Variants in PCDHGA2 observed in about 807,000 individuals in gnomAD.
The protein encoded by PCDHGA2 is protocadherin gamma-A2.
A neutral mutation model predicts 59.2 loss-of-function variants in PCDHGA2; 40 were observed. The observed-to-expected ratio is 0.68, with a 90% CI of 0.52 to 0.88. The LOEUF (loss-of-function observed/expected upper bound fraction) is 0.88, where lower values mean the gene tolerates loss of function less well. Among genes scored for constraint, PCDHGA2 ranks in the 40% least tolerant of loss-of-function variants. The pLI is 0.00. For synonymous variants in PCDHGA2, 560 were observed against 526.0 expected, an observed-to-expected ratio of 1.06 and a Z score of -0.89; for missense variants, 1,226 against 1,204.0, an observed-to-expected ratio of 1.02 and a Z score of -0.27.
At position 141,487,267 on chromosome 5, in the gene PCDHGA2, G is replaced by A; in HGVS notation, c.2425-7540G>A. 3 of 1,614,134 alleles carry A rather than the reference G, an allele frequency of 1.9e-6. No individual in the cohort carries two copies. The highest frequency in any genetic ancestry group is 2.5e-6 in the Non-Finnish European group (3 of 1,180,024). ...CCCTCTACTTGGCTGTGTCCCTAGT[G>A]GCAATTTGCTTTGTCTCCTTTGGCT... is the stretch of plus-strand genomic sequence containing the variant. On this transcript the variant is annotated intron_variant, in intron 1 of 3. Transcript: ENST00000394576. The surrounding 1 kb of genome is among the most constrained non-coding windows in gnomAD (Gnocchi z 5.0).
At position 141,487,791 on chromosome 5, in the gene PCDHGA2, C is replaced by T; in HGVS notation, c.2425-7016C>T. ...CTTTGTAACTGTTTCGTGAATTAAC[C>T]AGAGTTGTCACAGTTTAGCATTGGG... On this transcript the variant is annotated intron_variant, in intron 1 of 3. Coordinates refer to ENST00000394576, the MANE Select transcript of PCDHGA2 (RefSeq NM_018915.4). This position sits in a 1 kb window ranked among gnomAD's most constrained non-coding sequence, Gnocchi z 5.0. 6.6e-7 allele frequency: 1 copy of T among 1,510,152 alleles called. No individual in the cohort carries two copies. The highest frequency in any genetic ancestry group is 1.4e-5 in the African/African-American group (1 of 72,206). The allele number at this position is 1,510,152 out of a possible 1,614,324, so 93.5% of individuals were successfully genotyped here. A position where few individuals can be genotyped will look rare whatever the true frequency, so the allele number is the denominator to read the frequency against.
intron 1 of PCDHGA2, chr5:141,361,354 G>A (rs778953840): frequency 6.8e-6 from 11 of 1,613,990 alleles, no homozygotes; most frequent in African/African-American, 2.7e-5. Flanking sequence ...ACTAGTGACA[G>A]ACGGCGCTCT....
At chr5:141,389,745 A>G in intron 1 of PCDHGA2, 1 of 1,612,748 alleles carries the variant, frequency 6.2e-7, no homozygotes, top group Non-Finnish European at 8.5e-7. Context: ...GGGGCTGCGC[A>G]CGGGCGAAGT....
At chr5:141,374,758 C>T in intron 1 of PCDHGA2, 1 of 1,613,200 alleles carries the variant, frequency 6.2e-7, no homozygotes, top group South Asian at 1.1e-5. Context: ...GCTCAAGCGT[C>T]GCCCAAATTC....
At position 141,415,363 on chromosome 5, in the gene PCDHGA2, C is replaced by T. The variant is rs62378454; in HGVS notation, c.2424+73968C>T. 7,186 of 1,614,240 alleles carry T rather than the reference C, an allele frequency of 4.5e-3. 30 individuals carry two copies. Among genetic ancestry groups the T allele is most frequent in the South Asian group, 5.6e-3 (509 of 91,092 alleles). Reference sequence around the variant, plus strand: ...GCGCTGGCACAAGTCACGCCTGCTGCAGGCTTCAGGAGGCGGCTTGACAGG... The same window carrying T: ...GCGCTGGCACAAGTCACGCCTGCTGTAGGCTTCAGGAGGCGGCTTGACAGG... On this transcript the variant is annotated intron_variant, in intron 1 of 3. Transcript: ENST00000394576.
intron 1 of PCDHGA2, chr5:141,411,948 G>A (rs2095525022): frequency 1.3e-5 from 2 of 152,152 alleles, no homozygotes. Flanking sequence ...GAAGATTTTT[G>A]AAGAAAAAAG....
At chr5:141,419,170 C>T (rs758796140) in intron 1 of PCDHGA2, 4 of 1,613,966 alleles carry the variant, frequency 2.5e-6, no homozygotes, top group Non-Finnish European at 3.4e-6. Context: ...CCAGCAAAAC[C>T]ATAACCCTGC....
rs115237553 is a variant in PCDHGA2, at chr5:141,476,478, T to A, written c.2425-18329T>A. 1.3e-4 allele frequency: 203 copies of A among 1,613,844 alleles called. 2 individuals are homozygous for A. The African/African-American group carries it at 2.5e-3, about 20-fold the overall frequency. Reference sequence around the variant, plus strand: ...GAGAACCCGCTGGAGCTGTTCAGCGTGGAAGTGGTGATCCAGGACATCAAC... The same window carrying A: ...GAGAACCCGCTGGAGCTGTTCAGCGAGGAAGTGGTGATCCAGGACATCAAC... On this transcript the variant is annotated intron_variant, in intron 1 of 3. Transcript: ENST00000394576. The surrounding 1 kb of genome is among the most constrained non-coding windows in gnomAD (Gnocchi z 7.6).
At chr5:141,364,875 T>C (rs909012191) in intron 1 of PCDHGA2, 1 of 1,613,818 alleles carries the variant, frequency 6.2e-7, no homozygotes, top group Non-Finnish European at 8.5e-7. Flanking sequence ...TCTCTGGATG[T>C]GGTAAGCGGA....
In PCDHGA2 at chr5:141,486,828, G is replaced by T. The variant is rs140257646; in HGVS notation, c.2425-7979G>T. ...CCCCTTAGCAGCACTGTAACAGTTC[G>T]TCTATTTGTGCTGGACCTCAATGAC... On this transcript the variant is annotated intron_variant, in intron 1 of 3. Coordinates refer to ENST00000394576, the MANE Select transcript of PCDHGA2 (RefSeq NM_018915.4). This position sits in a 1 kb window ranked among gnomAD's most constrained non-coding sequence, Gnocchi z 5.0. The T allele has an allele frequency of 8.7e-6, 14 of 1,614,218 alleles. No homozygotes were observed. The highest frequency in any genetic ancestry group is 1.2e-5 in the Non-Finnish European group (14 of 1,180,042).
Position 141,512,288 on chromosome 5 carries a change from TCAGCGGAGCCCCAGCAGGAAGGGTGGGC to T in PCDHGA2, c.*1120_*1147del, listed in dbSNP as rs1375137843. The T allele has an allele frequency of 6.5e-6, 1 of 152,680 alleles. No individual in the cohort carries two copies. Among genetic ancestry groups the T allele is most frequent in the Non-Finnish European group, 1.5e-5 (1 of 68,182 alleles). The allele number at this position is 152,680 out of a possible 1,614,324, so 9.5% of individuals were successfully genotyped here. ...TCCAGAGGTGCCACTGGTGGAAGGG[TCAGCGGAGCCCCAGCAGGAAGGGTGGGC>T]CAGCCAGGCCATTCTTAGTCCCTGG... On this transcript the variant is annotated 3_prime_UTR_variant, in exon 4 of 4. Coordinates refer to ENST00000394576, the MANE Select transcript of PCDHGA2 (RefSeq NM_018915.4).
chr5:141,382,921 G>A, intron 1 of PCDHGA2: 2 of 1,560,324 alleles, frequency 1.3e-6, no homozygotes, highest in South Asian at 1.2e-5. Flanking sequence ...GCCGAGGGGC[G>A]GGGACTACAG....
intron 1 of PCDHGA2, chr5:141,376,235 C>T: frequency 1.2e-6 from 2 of 1,614,198 alleles, no homozygotes; most frequent in Non-Finnish European, 1.7e-6. Flanking sequence ...CAGACTGCAG[C>T]GCTGGCACAA....
rs1029237740 is a variant in PCDHGA2, at chr5:141,500,358, A to G, written c.2484-5035A>G. ...AGAATAGCTGGGACTACAGGCGCCC[A>G]CTACCACGCCCGGCTAATTATTTTG... On this transcript the variant is annotated intron_variant, in intron 2 of 3. Coordinates refer to ENST00000394576, the MANE Select transcript of PCDHGA2 (RefSeq NM_018915.4). Among the ~76,000 whole-genome samples, 5 of 151,706 alleles carry G rather than the reference A, an allele frequency of 3.3e-5. No homozygotes were observed. In the South Asian group the frequency reaches 6.3e-4, roughly 19 times the overall value.
At chr5:141,419,094 G>C in intron 1 of PCDHGA2, 2 of 1,613,894 alleles carry the variant, frequency 1.2e-6, no homozygotes, top group Non-Finnish European at 1.7e-6. Context: ...GCCCTGGATC[G>C]GGAGCAGACC....
chr5:141,351,372 A>T, intron 1 of PCDHGA2: 1 of 1,612,764 alleles, frequency 6.2e-7, no homozygotes, highest in Non-Finnish European at 8.5e-7. Context: ...CGAGACAAGG[A>T]TTCTGGGCAA....
In PCDHGA2 at chr5:141,426,967, T is replaced by C. The variant is rs151241654; in HGVS notation, c.2425-67840T>C. 124 of 456,702 alleles carry C rather than the reference T, an allele frequency of 2.7e-4. 1 individual carries two copies. The highest frequency in any genetic ancestry group is 2.1e-3 in the African/African-American group (103 of 50,178). 28.3% of individuals were successfully genotyped at this position (456,702 alleles called of 1,614,324 possible). A position where few individuals can be genotyped will look rare whatever the true frequency, so the allele number is the denominator to read the frequency against. On this transcript the variant is annotated intron_variant, in intron 1 of 3. Coordinates refer to ENST00000394576, the MANE Select transcript of PCDHGA2 (RefSeq NM_018915.4). ...CCAACTGGCACTGCTGCAATTCAAA[T>C]TGAGGTCACTGATGCCAACGATAAT... is the stretch of plus-strand genomic sequence containing the variant.
Position 141,501,335 on chromosome 5 carries a change from C to A in PCDHGA2, c.2484-4058C>A, listed in dbSNP as rs977626682. 1.5e-4 allele frequency among the ~76,000 whole-genome samples: 20 copies of A among 135,718 alleles called. No individual in the cohort carries two copies. In the East Asian group the frequency reaches 2.2e-3, roughly 15 times the overall value. The allele number at this position is 135,718 out of a possible 152,430, so 89.0% of individuals were successfully genotyped here. The stretch of plus-strand genomic sequence containing the variant: ...CACACACACACACACACACACACAC[C>A]CCAAACTCAATAGGGCAAGAACCAT... On this transcript the variant is annotated intron_variant, in intron 2 of 3. Transcript: ENST00000394576.
At chr5:141,460,961 A>ATATGTGTG (rs1463306338) in intron 1 of PCDHGA2, among the ~76,000 whole-genome samples, 3 of 144,556 alleles carry the variant, frequency 2.1e-5, no homozygotes, top group African/African-American at 7.8e-5. Context: ...GTATATATAT[A>ATATGTGTG]TGTGTGTGTG....
Sources: allele counts gnomAD v4.1 joint callset (sites outside exome capture counted in the v4.1 genomes callset), GRCh38; gene constraint gnomAD v4.1.1; non-coding constraint Gnocchi (gnomAD v3.1); transcripts MANE v1.5; gene names NCBI Gene and HGNC (gene_info 2026-07-23, HGNC 2026-07-21).